FOXO3: variants seen among roughly 807,000 people sequenced by gnomAD.
FOXO3 encodes the protein forkhead box protein O3.
FOXO3 carries 4 observed loss-of-function variants against 41.9 expected under a neutral mutation model. That is an observed-to-expected ratio of 0.10 (90% CI 0.05 to 0.22). The LOEUF is 0.22. Ranked by LOEUF, FOXO3 falls within the 10% of genes least tolerant of loss-of-function variation. FOXO3 has a pLI of 1.00. For missense variants in FOXO3, 534 were observed against 906.8 expected (o/e 0.59, Z 5.28); for synonymous variants, 318 against 389.3 (o/e 0.82, Z 2.16).
At chr6:108,607,380 G>A (rs539320038) in intron 1 of FOXO3, among the ~76,000 whole-genome samples, 25 of 151,480 alleles carry the variant, frequency 1.7e-4, no homozygotes, top group African/African-American at 6.1e-4. Flanking sequence ...AACCTGGGAG[G>A]CGGAGGTTGC....
chr6:108,648,070 C>T (rs1030556280), intron 1 of FOXO3, among the ~76,000 whole-genome samples: 8 of 152,062 alleles, frequency 5.3e-5, no homozygotes, highest in South Asian at 2.1e-4. Context: ...GTCACTGTGG[C>T]GAGGGGAGAG....
At chr6:108,640,647 G>A (rs1778232278) in intron 1 of FOXO3, among the ~76,000 whole-genome samples, 1 of 151,896 alleles carries the variant, frequency 6.6e-6, no homozygotes, top group Non-Finnish European at 1.5e-5. Context: ...GTCAATTTGA[G>A]GTTTTTGATA....
chr6:108,611,599 G>C (rs1450274583), intron 1 of FOXO3, among the ~76,000 whole-genome samples: 1 of 151,698 alleles, frequency 6.6e-6, no homozygotes, highest in Non-Finnish European at 1.5e-5. Flanking sequence ...ATTTTAATTT[G>C]CATTTGCTTA....
Position 108,574,386 on chromosome 6 carries a change from A to G in FOXO3, c.621+12557A>G, listed in dbSNP as rs567094001. ...CTTTTGGGATGGGGCCTTATCGCAG[A>G]AATTTCTGTGTTGGGACAGTAGGAT... is the stretch of plus-strand genomic sequence containing the variant. On this transcript the variant is annotated intron_variant, in intron 1 of 2. Coordinates refer to ENST00000406360, the MANE Select transcript of FOXO3 (RefSeq NM_001455.4). Among the ~76,000 whole-genome samples, 88 of 152,182 alleles carry G rather than the reference A, an allele frequency of 5.8e-4. 1 individual carries two copies. In the South Asian group the frequency reaches 0.017, roughly 30 times the overall value.
At chr6:108,617,958 C>A in intron 1 of FOXO3, 2 of 507,592 alleles carry the variant, frequency 3.9e-6, no homozygotes, top group South Asian at 1.9e-5. Flanking sequence ...TAATCGTGGT[C>A]TGCGAGAACA....
chr6:108,656,872 C>T (rs1046848069), intron 1 of FOXO3, among the ~76,000 whole-genome samples: 6 of 152,148 alleles, frequency 3.9e-5, no homozygotes, highest in Admixed American at 2.6e-4. Flanking sequence ...CAATAGAAAA[C>T]GGTCTTCATT....
Position 108,673,827 on chromosome 6 carries a change from A to C in FOXO3, c.*35-6000A>C, listed in dbSNP as rs1026017531. ...CAGGATAGGGTCACACCCAGCAAAC[A>C]TAAACATTGTGATATGCAGGTCATG... On this transcript the variant is annotated intron_variant, in intron 2 of 2. Transcript: ENST00000406360. Among the ~76,000 whole-genome samples, 5 of 152,312 alleles carry C rather than the reference A, an allele frequency of 3.3e-5. No homozygotes were observed. The East Asian group carries it at 9.6e-4, about 29-fold the overall frequency.
At chr6:108,632,204 C>T (rs1477052349) in intron 1 of FOXO3, among the ~76,000 whole-genome samples, 1 of 152,144 alleles carries the variant, frequency 6.6e-6, no homozygotes, top group Non-Finnish European at 1.5e-5. Flanking sequence ...GTGCTAGGCG[C>T]TATGGGGTCT....
At position 108,649,817 on chromosome 6, in the gene FOXO3, T is replaced by A. The variant is rs1778499598; in HGVS notation, c.622-13638T>A. On this transcript the variant is annotated intron_variant, in intron 1 of 2. Coordinates refer to ENST00000406360, the MANE Select transcript of FOXO3 (RefSeq NM_001455.4). ...CTAGAGAAACAGCTAACATTCCACA[T>A]AATGCCTCAGAGAGTTGTGTGTTAC... is the stretch of plus-strand genomic sequence containing the variant. 2.0e-5 allele frequency among the ~76,000 whole-genome samples: 3 copies of A among 152,146 alleles called. No individual in the cohort carries two copies. In the South Asian group the frequency reaches 6.2e-4, roughly 31 times the overall value.
intron 1 of FOXO3, among the ~76,000 whole-genome samples, chr6:108,575,279 C>T (rs1339802820): frequency 1.3e-5 from 2 of 151,156 alleles, no homozygotes; most frequent in African/African-American, 4.9e-5. Context: ...AGCATAATTG[C>T]TTTGGTTCCA....
At chr6:108,568,372 C>T (rs1471796273) in intron 1 of FOXO3, among the ~76,000 whole-genome samples, 5 of 152,140 alleles carry the variant, frequency 3.3e-5, no homozygotes, top group Non-Finnish European at 7.3e-5. Flanking sequence ...CTCTTCTAGG[C>T]TAGCTCGCAC....
intron 1 of FOXO3, among the ~76,000 whole-genome samples, chr6:108,644,532 A>G (rs1778343561): frequency 6.6e-6 from 1 of 151,580 alleles, no homozygotes; most frequent in Non-Finnish European, 1.5e-5. Flanking sequence ...TGAAGCACTA[A>G]ACTCTCCTGG....
At chr6:108,641,331 C>T (rs992932045) in intron 1 of FOXO3, among the ~76,000 whole-genome samples, 1 of 152,166 alleles carries the variant, frequency 6.6e-6, no homozygotes, top group African/African-American at 2.4e-5. Flanking sequence ...AGAACCCAAA[C>T]ATTCTTACTA....
chr6:108,602,656 C>T (rs1374990843), intron 1 of FOXO3, among the ~76,000 whole-genome samples: 1 of 149,394 alleles, frequency 6.7e-6, no homozygotes, highest in East Asian at 1.9e-4. Flanking sequence ...TAAAACCAAA[C>T]CAAAAAAAAA....
chr6:108,567,389 T>A (rs1775975834), intron 1 of FOXO3, among the ~76,000 whole-genome samples: 1 of 152,198 alleles, frequency 6.6e-6, no homozygotes, highest in South Asian at 2.1e-4. Flanking sequence ...CCTGGACTGA[T>A]CTGGGATCCC....
At chr6:108,647,194 A>G in intron 1 of FOXO3, among the ~76,000 whole-genome samples, 1 of 152,246 alleles carries the variant, frequency 6.6e-6, no homozygotes, top group South Asian at 2.1e-4. Flanking sequence ...TGTAGCTTAA[A>G]TTGGTGTTTT....
chr6:108,667,630 T>A (rs928977112), intron 2 of FOXO3, among the ~76,000 whole-genome samples: 1 of 152,240 alleles, frequency 6.6e-6, no homozygotes, highest in Non-Finnish European at 1.5e-5. Flanking sequence ...CTTAGATTTT[T>A]AAAGTTTATC....
At chr6:108,652,164 C>T (rs1298858460) in intron 1 of FOXO3, among the ~76,000 whole-genome samples, 1 of 152,172 alleles carries the variant, frequency 6.6e-6, no homozygotes, top group African/African-American at 2.4e-5. Flanking sequence ...ACAGAAGCCT[C>T]CAGACGTGCC....
intron 1 of FOXO3, among the ~76,000 whole-genome samples, chr6:108,612,725 A>G (rs1389275278): frequency 2.6e-5 from 4 of 152,062 alleles, no homozygotes; most frequent in Non-Finnish European, 5.9e-5. Flanking sequence ...TTTCTAATAT[A>G]TACTGTATAC....
Sources: gnomAD v4.1 joint callset for allele counts (sites outside exome capture counted in the v4.1 genomes callset) on GRCh38, gnomAD v4.1.1 for gene constraint, MANE v1.5 for transcripts, NCBI Gene and HGNC (gene_info 2026-07-23, HGNC 2026-07-21) for gene names.